SPRED1: variants seen among roughly 807,000 people sequenced by gnomAD.
SPRED1 encodes the protein sprouty-related, EVH1 domain-containing protein 1.
A neutral mutation model predicts 52.3 loss-of-function variants in SPRED1; 18 were observed. The ratio of observed to expected loss-of-function variants is 0.34; its 90% CI spans 0.24 to 0.51. The LOEUF (loss-of-function observed/expected upper bound fraction) is 0.51, where lower values mean the gene tolerates loss of function less well. Ranked by LOEUF, SPRED1 falls within the 20% of genes least tolerant of loss-of-function variation. SPRED1 has a pLI of 0.97. For synonymous variants in SPRED1, 155 were observed against 179.7 expected (o/e 0.86, Z 1.10); for missense variants, 485 against 551.0 (o/e 0.88, Z 1.20).
intron 3 of SPRED1, among the ~76,000 whole-genome samples, chr15:38,324,209 T>C (rs888599474): frequency 6.6e-6 from 1 of 152,188 alleles, no homozygotes; most frequent in East Asian, 1.9e-4. Context: ...TCCTTTCTTA[T>C]TAATTTATTG....
chr15:38,317,051 A>T (rs1366995874), intron 2 of SPRED1, among the ~76,000 whole-genome samples: 2 of 151,794 alleles, frequency 1.3e-5, no homozygotes, highest in Admixed American at 1.3e-4. Flanking sequence ...AGTAAAAAAG[A>T]GGGTGAGGCC....
chr15:38,294,092 A>G (rs1894982350), intron 1 of SPRED1, among the ~76,000 whole-genome samples: 1 of 152,194 alleles, frequency 6.6e-6, no homozygotes, highest in African/African-American at 2.4e-5. Context: ...TGCATTCTAC[A>G]TAGTTTAGAA....
rs185290497 is a variant in SPRED1 at position 38,352,091 on chromosome 15, A to T, written c.*427A>T. The stretch of plus-strand genomic sequence containing the variant: ...TAAGAAAAGTTAACACTTGGGAATT[A>T]CAAGAAGTAAAACAAGTGCAACTAA... On this transcript the variant is annotated 3_prime_UTR_variant, in exon 7 of 7. Transcript: ENST00000299084. 4.8e-3 allele frequency: 829 copies of T among 173,882 alleles called. 8 individuals carry two copies. The highest frequency in any genetic ancestry group is 0.019 in the African/African-American group (799 of 41,886). The allele number at this position is 173,882 out of a possible 1,614,324, so 10.8% of individuals were successfully genotyped here. A position where few individuals can be genotyped will look rare whatever the true frequency, so the allele number is the denominator to read the frequency against.
In SPRED1 at chr15:38,324,801, G is replaced by C. The variant is rs1293873876; in HGVS notation, c.415G>C (p.Asp139His). The change falls in exon 4 of 7, where the codon GAC (aspartate) becomes CAC (histidine). Residue 139 changes from aspartate to histidine, a missense_variant. Transcript: ENST00000299084. ...ESKNEAEGAD[D>H]LQANEEDSSS... ...AAAAAATGAAGCTGAAGGGGCAGAT[G>C]ACTTACAAGTAAGTAATGGCTTGGA... The C allele has an allele frequency of 6.2e-7, 1 of 1,611,948 alleles. No homozygotes were observed. The highest frequency in any genetic ancestry group is 1.1e-5 in the South Asian group (1 of 90,634).
chr15:38,269,687 A>T (rs1022037349), intron 1 of SPRED1, among the ~76,000 whole-genome samples: 10 of 152,214 alleles, frequency 6.6e-5, no homozygotes, highest in Admixed American at 3.9e-4. Context: ...ATTCTTTGAG[A>T]ATCTAAAGCA....
At chr15:38,323,866 C>G (rs932799333) in intron 3 of SPRED1, among the ~76,000 whole-genome samples, 2 of 152,124 alleles carry the variant, frequency 1.3e-5, no homozygotes, top group African/African-American at 4.8e-5. Flanking sequence ...TGTACCATAA[C>G]AGTATACCTC....
At chr15:38,293,644 C>T (rs1210524612) in intron 1 of SPRED1, among the ~76,000 whole-genome samples, 1 of 152,154 alleles carries the variant, frequency 6.6e-6, no homozygotes, top group Non-Finnish European at 1.5e-5. Flanking sequence ...CAAATCAGAA[C>T]ATTCTGCTTT....
chr15:38,341,654 A>G (rs1174805090), intron 5 of SPRED1, among the ~76,000 whole-genome samples: 1 of 152,042 alleles, frequency 6.6e-6, no homozygotes, highest in Non-Finnish European at 1.5e-5. Context: ...GGGTTGTTTC[A>G]TTTCTAAATA....
chr15:38,316,274 G>A (rs1455517463), intron 2 of SPRED1, among the ~76,000 whole-genome samples: 3 of 152,024 alleles, frequency 2.0e-5, no homozygotes, highest in East Asian at 3.9e-4. Flanking sequence ...CAGTTTTCTT[G>A]AAGTCCAGAG....
chr15:38,291,897 A>C (rs547884880), intron 1 of SPRED1, among the ~76,000 whole-genome samples: 16 of 152,322 alleles, frequency 1.1e-4, no homozygotes, highest in East Asian at 7.7e-4. Context: ...TTGGGGATTA[A>C]CATTAGGCTC....
intron 2 of SPRED1, among the ~76,000 whole-genome samples, chr15:38,315,496 G>C (rs912962204): frequency 2.0e-5 from 3 of 151,864 alleles, no homozygotes; most frequent in African/African-American, 7.2e-5. Flanking sequence ...TTTTACGATG[G>C]GAGTTTTGCT....
chr15:38,320,566 C>G (rs775045123), intron 2 of SPRED1, among the ~76,000 whole-genome samples: 19 of 151,904 alleles, frequency 1.3e-4, no homozygotes, highest in Non-Finnish European at 2.6e-4. Flanking sequence ...CTAGTAATAT[C>G]TGAGGGGATC....
intron 4 of SPRED1, 96 bp from the exon 5 acceptor site, chr15:38,339,641 G>T (rs1013932170): frequency 1.5e-6 from 2 of 1,308,594 alleles, no homozygotes; most frequent in African/African-American, 2.9e-5. Context: ...TATACTTATT[G>T]ACTTGCTAAA....
At chr15:38,323,353 A>T (rs1466075923) in intron 3 of SPRED1, among the ~76,000 whole-genome samples, 1 of 152,156 alleles carries the variant, frequency 6.6e-6, no homozygotes, top group East Asian at 1.9e-4. Flanking sequence ...AAAAATTACT[A>T]TGAAGTAATA....
At chr15:38,302,722 CA>C (rs1895171429) in intron 2 of SPRED1, among the ~76,000 whole-genome samples, 1 of 152,126 alleles carries the variant, frequency 6.6e-6, no homozygotes, top group Admixed American at 6.5e-5. Flanking sequence ...CACTGCTCTG[CA>C]TAATTGGCTT....
At chr15:38,272,202 T>C (rs1023203086) in intron 1 of SPRED1, among the ~76,000 whole-genome samples, 2 of 151,864 alleles carry the variant, frequency 1.3e-5, no homozygotes, top group African/African-American at 4.8e-5. Context: ...TGAGTGCACG[T>C]GTCTTTTTGG....
intron 2 of SPRED1, among the ~76,000 whole-genome samples, chr15:38,321,280 C>A (rs1483893223): frequency 6.6e-6 from 1 of 152,048 alleles, no homozygotes; most frequent in African/African-American, 2.4e-5. Flanking sequence ...CTGTGTTATT[C>A]TTGTTACTTT....
chr15:38,338,301 T>TG (rs1486504315), intron 4 of SPRED1, among the ~76,000 whole-genome samples: 4 of 149,402 alleles, frequency 2.7e-5, no homozygotes, highest in Non-Finnish European at 4.5e-5. Context: ...TTGTTTTGTT[T>TG]TGTTTTTTTT....
intron 1 of SPRED1, among the ~76,000 whole-genome samples, chr15:38,271,459 T>C (rs774736217): frequency 6.6e-6 from 1 of 151,040 alleles, no homozygotes; most frequent in African/African-American, 2.4e-5. Context: ...TTAATGTTGA[T>C]ACTTAATGAA....
Sources: allele counts gnomAD v4.1 joint callset (sites outside exome capture counted in the v4.1 genomes callset), GRCh38; gene constraint gnomAD v4.1.1; transcripts MANE v1.5; gene names NCBI Gene and HGNC (gene_info 2026-07-23, HGNC 2026-07-21).